EP300: variants seen among roughly 807,000 people sequenced by gnomAD.
EP300 encodes the protein histone acetyltransferase p300.
In EP300, 31 loss-of-function variants were observed where a neutral mutation model predicts 264.0. That is an observed-to-expected ratio of 0.12 (90% CI 0.09 to 0.16). EP300 has a LOEUF of 0.16. EP300 is among the 10% of genes least tolerant of loss of function. The pLI, the probability that EP300 is intolerant of heterozygous loss-of-function variation, is 1.00. For missense variants in EP300, 2,766 were observed against 3,052.9 expected (o/e 0.91, Z 2.21); for synonymous variants, 1,340 against 1,045.4 (o/e 1.28, Z -5.44).
intron 29 of EP300, among the ~76,000 whole-genome samples, chr22:41,175,676 A>T: frequency 6.6e-6 from 1 of 152,182 alleles, no homozygotes; most frequent in East Asian, 1.9e-4. Context: ...GGTTTGTTGT[A>T]ATTAGATTGA....
chr22:41,143,984 C>T (rs781481656), intron 10 of EP300, among the ~76,000 whole-genome samples: 1 of 152,126 alleles, frequency 6.6e-6, no homozygotes, highest in African/African-American at 2.4e-5. Context: ...CCATAGTAAA[C>T]TTATGTAACG....
rs2059234586 is a variant in EP300, at chr22:41,180,015, T to G, written c.*1059T>G. Reference sequence around the variant, plus strand: ...CTTATAAATATGAACTTTGGATCACTGTATAGACTGTTAAATTTGATTTCT... The same window carrying G: ...CTTATAAATATGAACTTTGGATCACGGTATAGACTGTTAAATTTGATTTCT... On this transcript the variant is annotated 3_prime_UTR_variant, in exon 31 of 31. Transcript: ENST00000263253. 1 of 231,680 alleles carries G rather than the reference T, an allele frequency of 4.3e-6. No homozygotes were observed. Among genetic ancestry groups the G allele is most frequent in the Non-Finnish European group, 8.6e-6 (1 of 116,878 alleles). The allele number at this position is 231,680 out of a possible 1,614,324, so 14.4% of individuals were successfully genotyped here. A position where few individuals can be genotyped will look rare whatever the true frequency, so the allele number is the denominator to read the frequency against.
chr22:41,102,618 A>G (rs997049168), intron 1 of EP300, among the ~76,000 whole-genome samples: 3 of 152,170 alleles, frequency 2.0e-5, no homozygotes, highest in African/African-American at 7.2e-5. Flanking sequence ...AGTTAAGTAA[A>G]AGGAGGAATA....
chr22:41,117,145 T>G, intron 1 of EP300, 42 bp from the exon 2 acceptor site: 1 of 1,584,030 alleles, frequency 6.3e-7, no homozygotes, highest in Non-Finnish European at 8.7e-7. Flanking sequence ...TTTATTTTGG[T>G]TTTGTCATAC....
At chr22:41,156,743 T>G (rs144617366) in intron 17 of EP300, among the ~76,000 whole-genome samples, 2 of 152,064 alleles carry the variant, frequency 1.3e-5, no homozygotes, top group East Asian at 3.9e-4. Context: ...GTCAAGTGCT[T>G]CCAGGGGCAA....
intron 11 of EP300, among the ~76,000 whole-genome samples, chr22:41,147,260 C>T (rs533460870): frequency 8.1e-5 from 12 of 148,760 alleles, no homozygotes; most frequent in African/African-American, 2.2e-4. Flanking sequence ...GAGGCGAGAT[C>T]GCGCCACTGG....
intron 1 of EP300, chr22:41,108,230 T>C (rs1326206023): frequency 6.8e-6 from 1 of 146,642 alleles, no homozygotes; most frequent in Non-Finnish European, 1.5e-5. Context: ...GGCTAAACTT[T>C]TCTTTTTCTT....
chr22:41,150,207 A>T lies in EP300; in HGVS notation c.2817+9A>T. The stretch of plus-strand genomic sequence containing the variant: ...CGCAGCCTGCAACTCCAGTAAGTAG[A>T]GATTTGGATTTAGGCAGAATCATTA... On this transcript the variant is annotated intron_variant, in intron 14 of 30. Coordinates refer to ENST00000263253, the MANE Select transcript of EP300 (RefSeq NM_001429.4). 6.2e-7 allele frequency: 1 copy of T among 1,600,100 alleles called. No individual in the cohort carries two copies. Among genetic ancestry groups the T allele is most frequent in the African/African-American group, 1.3e-5 (1 of 74,874 alleles).
intron 29 of EP300, 59 bp downstream of exon 29, chr22:41,173,843 G>A (rs1282495108): frequency 1.9e-6 from 3 of 1,603,454 alleles, no homozygotes; most frequent in South Asian, 1.1e-5. Flanking sequence ...CAGGCATGGT[G>A]GCTCACACCT....
chr22:41,112,306 C>T (rs1295445572), intron 1 of EP300, among the ~76,000 whole-genome samples: 1 of 152,160 alleles, frequency 6.6e-6, no homozygotes, highest in African/African-American at 2.4e-5. Context: ...TTCCTTGCTT[C>T]AGCCTCCCAA....
At chr22:41,153,509 G>A (rs1276012909) in intron 16 of EP300, among the ~76,000 whole-genome samples, 2 of 152,112 alleles carry the variant, frequency 1.3e-5, no homozygotes, top group Non-Finnish European at 2.9e-5. Flanking sequence ...CCACCGCTTT[G>A]GGAGGCCGAG....
At chr22:41,123,284 A>G (rs962022354) in intron 2 of EP300, among the ~76,000 whole-genome samples, 7 of 152,084 alleles carry the variant, frequency 4.6e-5, no homozygotes, top group South Asian at 2.1e-4. Context: ...AGGGAAAGGG[A>G]AAAGCTTGAG....
In EP300 at chr22:41,179,486, GT is replaced by G. The variant is rs1179082480; in HGVS notation, c.*538del. ...TATATAAATATATATTAAAATACCA[GT>G]TTTTTTTCTCTGGGTGCAAAGATGT... is the stretch of plus-strand genomic sequence containing the variant. On this transcript the variant is annotated 3_prime_UTR_variant, in exon 31 of 31. Coordinates refer to ENST00000263253, the MANE Select transcript of EP300 (RefSeq NM_001429.4). 1 of 163,162 alleles carries G rather than the reference GT, an allele frequency of 6.1e-6. No homozygotes were observed. The highest frequency in any genetic ancestry group is 1.3e-5 in the Non-Finnish European group (1 of 78,102). The allele number at this position is 163,162 out of a possible 1,614,324, so 10.1% of individuals were successfully genotyped here.
intron 1 of EP300, among the ~76,000 whole-genome samples, chr22:41,102,024 C>A (rs991181498): frequency 7.9e-6 from 1 of 126,632 alleles, no homozygotes; most frequent in Admixed American, 8.9e-5. Flanking sequence ...GCTTTTTTTT[C>A]TTTTCTTTTT....
In EP300 at chr22:41,117,279, C is replaced by G. The variant is rs2145696422; in HGVS notation, c.187C>G (p.Gln63Glu). 6.2e-7 allele frequency: 1 copy of G among 1,614,130 alleles called. No homozygotes were observed. The highest frequency in any genetic ancestry group is 1.1e-5 in the South Asian group (1 of 91,080). The change falls in exon 2 of 31, where the codon CAG (glutamine) becomes GAG (glutamate). Residue 63 changes from glutamine (Q) to glutamate (E), a missense_variant. Transcript: ENST00000263253. ...LGLTNGGDIN[Q>E]LQTSLGMVQD... ...ACTAACCAATGGTGGTGATATTAAT[C>G]AGCTTCAGACAAGTCTTGGCATGGT...
chr22:41,146,279 C>T (rs2059010278), intron 10 of EP300, among the ~76,000 whole-genome samples: 2 of 152,032 alleles, frequency 1.3e-5, no homozygotes, highest in Non-Finnish European at 2.9e-5. Context: ...ATTCTCCTGC[C>T]TCAGCCTCCT....
At position 41,178,655 on chromosome 22, in the gene EP300, C is replaced by T. The variant is rs2059218849; in HGVS notation, c.6944C>T (p.Ser2315Phe). 1.2e-6 allele frequency: 2 copies of T among 1,614,172 alleles called. No homozygotes were observed. Among genetic ancestry groups the T allele is most frequent in the Non-Finnish European group, 1.7e-6 (2 of 1,180,028 alleles). The change falls in exon 31 of 31, where the codon TCT becomes TTT. Residue 2315 changes from serine to phenylalanine, a missense_variant. Coordinates refer to ENST00000263253, the MANE Select transcript of EP300 (RefSeq NM_001429.4). ...NQVRSPQPVP[S>F]PRPQSQPPHS... The stretch of plus-strand genomic sequence containing the variant: ...GTGCGCTCTCCCCAGCCTGTCCCTT[C>T]TCCACGGCCACAGTCCCAGCCCCCC...
chr22:41,174,491 T>TA (rs1411919943), intron 29 of EP300: 1 of 152,240 alleles, frequency 6.6e-6, no homozygotes, highest in African/African-American at 2.4e-5. Context: ...CATATGGACT[T>TA]ACAACCCCCT....
chr22:41,176,000 A>G, intron 29 of EP300: 1 of 528,932 alleles, frequency 1.9e-6, no homozygotes, highest in South Asian at 2.1e-5. Context: ...CAGGCAGATC[A>G]CTTGAGCTTA....
Sources: gnomAD v4.1 joint callset for allele counts (sites outside exome capture counted in the v4.1 genomes callset) on GRCh38, gnomAD v4.1.1 for gene constraint, MANE v1.5 for transcripts, NCBI Gene and HGNC (gene_info 2026-07-23, HGNC 2026-07-21) for gene names.